Variants in KCNMB4 observed in about 807,000 individuals in gnomAD.
The protein encoded by KCNMB4 is calcium-activated potassium channel subunit beta-4.
In KCNMB4, 3 loss-of-function variants were observed where a neutral mutation model predicts 20.7. The observed-to-expected ratio is 0.14, with a 90% CI of 0.07 to 0.37. The LOEUF (loss-of-function observed/expected upper bound fraction) is 0.37. KCNMB4 is among the 10% of genes least tolerant of loss of function. The pLI is 1.00. For synonymous variants in KCNMB4, 110 were observed against 113.4 expected, an observed-to-expected ratio of 0.97 and a Z score of 0.19; for missense variants, 168 against 265.9, an observed-to-expected ratio of 0.63 and a Z score of 2.56.
intron 1 of KCNMB4, among the ~76,000 whole-genome samples, chr12:70,374,169 A>C (rs1199595713): frequency 6.6e-6 from 1 of 152,232 alleles, no homozygotes; most frequent in African/African-American, 2.4e-5. Flanking sequence ...GAGATTTGTG[A>C]CATTACAATA....
chr12:70,428,845 T>TAATTCCAAAAA (rs1433008132), intron 2 of KCNMB4, among the ~76,000 whole-genome samples: 2 of 152,194 alleles, frequency 1.3e-5, no homozygotes, highest in African/African-American at 4.8e-5. Flanking sequence ...TTTCGTGCTA[T>TAATTCCAAAAA]AAGAATTCCA....
chr12:70,421,791 C>T (rs1869068824), intron 2 of KCNMB4, among the ~76,000 whole-genome samples: 1 of 151,740 alleles, frequency 6.6e-6, no homozygotes, highest in Non-Finnish European at 1.5e-5. Flanking sequence ...CTATGTTAGC[C>T]AGGATGGTCT....
At chr12:70,395,531 T>G (rs1378749558) in intron 1 of KCNMB4, among the ~76,000 whole-genome samples, 1 of 152,182 alleles carries the variant, frequency 6.6e-6, no homozygotes, top group Non-Finnish European at 1.5e-5. Context: ...AAAAAAATGC[T>G]GTTATAAATC....
chr12:70,408,866 A>C (rs1868689609), intron 2 of KCNMB4, among the ~76,000 whole-genome samples: 1 of 152,098 alleles, frequency 6.6e-6, no homozygotes, highest in Non-Finnish European at 1.5e-5. Flanking sequence ...CCTTCTCAGC[A>C]AAACCTAACT....
rs113366880 is a variant in KCNMB4, at chr12:70,404,468, T to A, written c.464+4132T>A. On this transcript the variant is annotated intron_variant, in intron 2 of 2. Coordinates refer to ENST00000258111, the MANE Select transcript of KCNMB4 (RefSeq NM_014505.6). The stretch of plus-strand genomic sequence containing the variant: ...CTAAATACTAGCCCCATTTAACATA[T>A]GAATAAATTGCATATTTAAAAAGTT... Among the ~76,000 whole-genome samples, 343 of 152,344 alleles carry A rather than the reference T, an allele frequency of 2.3e-3. 3 individuals carry two copies. The highest frequency in any genetic ancestry group is 7.3e-3 in the African/African-American group (303 of 41,580).
At chr12:70,388,155 T>A (rs1868272299) in intron 1 of KCNMB4, among the ~76,000 whole-genome samples, 1 of 152,134 alleles carries the variant, frequency 6.6e-6, no homozygotes, top group Non-Finnish European at 1.5e-5. Context: ...AATGATGGGA[T>A]CTCATTCTTT....
intron 2 of KCNMB4, among the ~76,000 whole-genome samples, chr12:70,415,650 C>G (rs1415640158): frequency 6.6e-6 from 1 of 152,218 alleles, no homozygotes; most frequent in African/African-American, 2.4e-5. Flanking sequence ...TCACCAAACT[C>G]TAATCTGTTC....
At chr12:70,371,110 G>C (rs1883585437) in intron 1 of KCNMB4, among the ~76,000 whole-genome samples, 1 of 152,166 alleles carries the variant, frequency 6.6e-6, no homozygotes, top group African/African-American at 2.4e-5. Context: ...CCCTGCCTCA[G>C]CCTCCCAAAG....
chr12:70,396,654 A>G (rs1165536770), intron 1 of KCNMB4, among the ~76,000 whole-genome samples: 1 of 152,200 alleles, frequency 6.6e-6, no homozygotes, highest in Non-Finnish European at 1.5e-5. Context: ...TCATCCAAAA[A>G]TGGAAGTAAT....
intron 2 of KCNMB4, among the ~76,000 whole-genome samples, chr12:70,408,880 AC>A (rs1194670968): frequency 6.6e-6 from 1 of 150,692 alleles, no homozygotes; most frequent in Admixed American, 6.6e-5. Context: ...CCTAACTTAT[AC>A]CCCCTTAACG....
intron 1 of KCNMB4, among the ~76,000 whole-genome samples, chr12:70,367,788 A>G (rs1276714914): frequency 1.3e-5 from 2 of 152,100 alleles, no homozygotes; most frequent in Non-Finnish European, 2.9e-5. Flanking sequence ...TGCTGAAAAT[A>G]GAAAACCTTC....
chr12:70,422,743 A>G, intron 2 of KCNMB4: 1 of 1,289,082 alleles, frequency 7.8e-7, no homozygotes, highest in Non-Finnish European at 1.0e-6. Flanking sequence ...CTGAGAACTC[A>G]GGAAGCATCT....
At chr12:70,369,483 C>T (rs1489945378) in intron 1 of KCNMB4, among the ~76,000 whole-genome samples, 2 of 152,174 alleles carry the variant, frequency 1.3e-5, no homozygotes, top group African/African-American at 4.8e-5. Context: ...CCTATGCTTC[C>T]CCTCTGTTTC....
At chr12:70,430,254 T>C (rs1391104552) in intron 2 of KCNMB4, among the ~76,000 whole-genome samples, 1 of 152,214 alleles carries the variant, frequency 6.6e-6, no homozygotes, top group African/African-American at 2.4e-5. Context: ...TTTGACACTT[T>C]GTAACATGTA....
chr12:70,371,250 G>A (rs1303379724), intron 1 of KCNMB4, among the ~76,000 whole-genome samples: 2 of 152,128 alleles, frequency 1.3e-5, no homozygotes. Flanking sequence ...TAAGAAACCA[G>A]TACTCTAGAA....
At chr12:70,386,054 T>TGA (rs1169435261) in intron 1 of KCNMB4, among the ~76,000 whole-genome samples, 3 of 152,140 alleles carry the variant, frequency 2.0e-5, no homozygotes, top group Non-Finnish European at 2.9e-5. Context: ...TATATACAGA[T>TGA]GAAAGTTACA....
intron 1 of KCNMB4, among the ~76,000 whole-genome samples, chr12:70,395,438 G>T (rs1299303596): frequency 6.6e-6 from 1 of 152,102 alleles, no homozygotes; most frequent in East Asian, 1.9e-4. Context: ...TGATTGAAAT[G>T]CAGTCCTCTC....
chr12:70,408,647 A>T (rs1397963659), intron 2 of KCNMB4, among the ~76,000 whole-genome samples: 2 of 152,076 alleles, frequency 1.3e-5, no homozygotes, highest in Non-Finnish European at 2.9e-5. Flanking sequence ...GATTCTGCAG[A>T]GGCGTCACTG....
chr12:70,399,954 G>A lies in KCNMB4; in HGVS notation c.337-255G>A, dbSNP rs2060668610. Among the ~76,000 whole-genome samples, 7 of 152,172 alleles carry A rather than the reference G, an allele frequency of 4.6e-5. No individual in the cohort carries two copies. The South Asian group carries it at 1.4e-3, about 32-fold the overall frequency. On this transcript the variant is annotated intron_variant, in intron 1 of 2. Transcript: ENST00000258111. ...ATTTGCTATTACATGGTAACTAATA[G>A]TTTATAAAATACCCTTACACCATAA...
Sources: gnomAD v4.1 joint callset for allele counts (sites outside exome capture counted in the v4.1 genomes callset) on GRCh38, gnomAD v4.1.1 for gene constraint, MANE v1.5 for transcripts, NCBI Gene and HGNC (gene_info 2026-07-23, HGNC 2026-07-21) for gene names.